Variants in PHTF2 observed in about 807,000 individuals in gnomAD.
PHTF2 encodes protein PHTF2.
Under a neutral mutation model 101.2 loss-of-function variants are expected in PHTF2, and 60 were observed. The ratio of observed to expected loss-of-function variants is 0.59; its 90% confidence interval spans 0.48 to 0.73. The LOEUF (loss-of-function observed/expected upper bound fraction) is 0.73. Among genes scored for constraint, PHTF2 ranks in the 30% least tolerant of loss-of-function variants. PHTF2 has a pLI of 0.00. For missense variants in PHTF2, 747 were observed against 908.7 expected (o/e 0.82, Z 2.29); for synonymous variants, 311 against 307.3 (o/e 1.01, Z -0.13).
chr7:77,941,444 G>A (rs1805631201), intron 15 of PHTF2, among the ~76,000 whole-genome samples: 1 of 152,064 alleles, frequency 6.6e-6, no homozygotes. Context: ...TTCCTCCATT[G>A]TCAACCCTAA....
chr7:77,894,017 G>C, intron 5 of PHTF2, 24 bp downstream of exon 4: 2 of 1,561,488 alleles, frequency 1.3e-6, no homozygotes, highest in Non-Finnish European at 1.8e-6. Context: ...GATTTTTCCC[G>C]CCTGAGTGAT....
At chr7:77,947,455 T>C (rs1237248664) in intron 16 of PHTF2, among the ~76,000 whole-genome samples, 6 of 151,220 alleles carry the variant, frequency 4.0e-5, no homozygotes, top group Admixed American at 4.0e-4. Context: ...CCCAGCTACT[T>C]GGGAGGCTGA....
At chr7:77,905,578 A>G (rs1801781415) in intron 7 of PHTF2, among the ~76,000 whole-genome samples, 1 of 152,072 alleles carries the variant, frequency 6.6e-6, no homozygotes, top group African/African-American at 2.4e-5. Context: ...GGCTCGCTGC[A>G]GCCTCAACCT....
At chr7:77,912,281 G>T (rs1270440689) in intron 9 of PHTF2, among the ~76,000 whole-genome samples, 2 of 152,206 alleles carry the variant, frequency 1.3e-5, no homozygotes, top group Non-Finnish European at 2.9e-5. Context: ...GATGTACTGT[G>T]TTTATCTCAT....
At chr7:77,860,714 A>G (rs954700083) in intron 3 of PHTF2, among the ~76,000 whole-genome samples, 1 of 151,942 alleles carries the variant, frequency 6.6e-6, no homozygotes, top group African/African-American at 2.4e-5. Flanking sequence ...GTTTTTGTTA[A>G]TTGCTCTTTT....
At chr7:77,933,416 G>T (rs751867405) in intron 12 of PHTF2, among the ~76,000 whole-genome samples, 34 of 152,180 alleles carry the variant, frequency 2.2e-4, no homozygotes, top group Admixed American at 1.8e-3. Flanking sequence ...GGGAACAAGT[G>T]TTTCAGAATT....
At chr7:77,825,501 A>C (rs1464904049) in intron 1 of PHTF2, among the ~76,000 whole-genome samples, 2 of 152,246 alleles carry the variant, frequency 1.3e-5, no homozygotes, top group Non-Finnish European at 2.9e-5. Flanking sequence ...GGCAAGAGCC[A>C]AAGCCCATGA....
intron 3 of PHTF2, among the ~76,000 whole-genome samples, chr7:77,878,939 C>G (rs1011657771): frequency 6.6e-6 from 1 of 152,190 alleles, no homozygotes; most frequent in African/African-American, 2.4e-5. Flanking sequence ...CTAGATCTAG[C>G]TAGGTAGGTG....
intron 3 of PHTF2, among the ~76,000 whole-genome samples, chr7:77,860,084 C>T (rs1046471678): frequency 3.3e-5 from 5 of 152,024 alleles, no homozygotes; most frequent in Non-Finnish European, 5.9e-5. Flanking sequence ...TTCTCAATGT[C>T]CTAATCTTGG....
intron 8 of PHTF2, 53 bp downstream of exon 7, chr7:77,909,011 C>T (rs1364483102): frequency 6.2e-6 from 8 of 1,284,312 alleles, no homozygotes; most frequent in African/African-American, 1.5e-5. Context: ...TTTGAATCTA[C>T]GATTGTTCTT....
exon 9 of PHTF2, chr7:77,910,367 C>G (rs1189735931): frequency 1.2e-6 from 2 of 1,613,754 alleles, no homozygotes; most frequent in South Asian, 2.2e-5. Context: ...AGCGTTGGCA[C>G]TGTCTTCAGA....
At chr7:77,871,574 TC>T (rs1361484192) in intron 3 of PHTF2, among the ~76,000 whole-genome samples, 1 of 152,210 alleles carries the variant, frequency 6.6e-6, no homozygotes, top group Non-Finnish European at 1.5e-5. Context: ...TACTTCCAAT[TC>T]TACCCCTTGA....
rs1221148386 is a variant in PHTF2, at chr7:77,866,667, CTTATT to C, written c.147+11835_147+11839del. On this transcript the variant is annotated intron_variant, in intron 3 of 19. Coordinates refer to ENST00000416283, the Ensembl canonical transcript of PHTF2. ...ATAAGATTGTTCTCTTTAATGGTCTCTTATTTGATTTCAAATGAATGAATAGCAAT... is the reference window on the plus strand; with the variant it reads ...ATAAGATTGTTCTCTTTAATGGTCTCTGATTTCAAATGAATGAATAGCAAT... 4.9e-4 allele frequency among the ~76,000 whole-genome samples: 75 copies of C among 151,892 alleles called. 2 individuals carry two copies. Among genetic ancestry groups the C allele is most frequent in the Admixed American group, 4.8e-3 (73 of 15,278 alleles).
At chr7:77,833,310 G>T (rs1584433155) in intron 1 of PHTF2, among the ~76,000 whole-genome samples, 1 of 152,114 alleles carries the variant, frequency 6.6e-6, no homozygotes, top group African/African-American at 2.4e-5. Flanking sequence ...ATGAGAAGAT[G>T]ATGAGCAATA....
At chr7:77,945,216 T>C (rs149990310) in intron 16 of PHTF2, among the ~76,000 whole-genome samples, 3,159 of 152,230 alleles carry the variant, frequency 0.021, 92 homozygotes, top group African/African-American at 0.071. Context: ...CTCGCGCCTG[T>C]AATCGCAGCT....
At chr7:77,906,805 G>C (rs1163495254) in intron 7 of PHTF2, among the ~76,000 whole-genome samples, 2 of 152,114 alleles carry the variant, frequency 1.3e-5, no homozygotes, top group Non-Finnish European at 1.5e-5. Context: ...CCACTCGGGA[G>C]CCTGAGGCAG....
chr7:77,935,155 C>T (rs1230562007), intron 12 of PHTF2, among the ~76,000 whole-genome samples: 4 of 127,796 alleles, frequency 3.1e-5, no homozygotes, highest in African/African-American at 1.2e-4. Flanking sequence ...AGGAATATAG[C>T]AGTCTTTTTT....
chr7:77,957,060 C>T (rs1315459875), exon 20 of PHTF2: 1 of 152,010 alleles, frequency 6.6e-6, no homozygotes, highest in Non-Finnish European at 1.5e-5. Flanking sequence ...TTTAAGAATA[C>T]CATGAATGTA....
chr7:77,942,800 C>G lies in PHTF2; in HGVS notation c.1959+14C>G. On this transcript the variant is annotated intron_variant, in intron 16 of 19. Transcript: ENST00000416283. ...TGTTGTGCCCAGGTGAGTTAACTCG[C>G]TCCATGTAGAAATTAACCAGATATA... The G allele has an allele frequency of 7.5e-7, 1 of 1,341,238 alleles. No individual in the cohort carries two copies. The highest frequency in any genetic ancestry group is 1.3e-5 in the South Asian group (1 of 74,756). The allele number at this position is 1,341,238 out of a possible 1,614,324, so 83.1% of individuals were successfully genotyped here.
Sources: allele counts gnomAD v4.1 joint callset (sites outside exome capture counted in the v4.1 genomes callset), GRCh38; gene constraint gnomAD v4.1.1; transcripts MANE v1.5; gene names NCBI Gene and HGNC (gene_info 2026-07-23, HGNC 2026-07-21).